Variants in NBAS observed in about 807,000 individuals in gnomAD.
NBAS encodes NBAS subunit of NRZ tethering complex, also known as NAG/BC035112 fusion.
Under a neutral mutation model 302.5 loss-of-function variants are expected in NBAS, and 219 were observed. The observed-to-expected ratio is 0.72, with a 90% CI of 0.65 to 0.81. The LOEUF (loss-of-function observed/expected upper bound fraction) is 0.81. Among genes scored for constraint, NBAS ranks in the 30% least tolerant of loss-of-function variants. The pLI is 0.00. For synonymous variants in NBAS, 1,118 were observed against 1,021.6 expected (o/e 1.09, Z -1.80); for missense variants, 2,932 against 2,841.6 (o/e 1.03, Z -0.72).
chr2:14,819,063 C>T, the NBAS span, among the ~76,000 whole-genome samples: 1 of 152,312 alleles, frequency 6.6e-6, no homozygotes, highest in Non-Finnish European at 1.5e-5. Flanking sequence ...CCTGTGCCTC[C>T]CTCTGTCATA....
chr2:15,452,815 T>C (rs1426254058), intron 21 of NBAS, among the ~76,000 whole-genome samples: 1 of 152,226 alleles, frequency 6.6e-6, no homozygotes, highest in Non-Finnish European at 1.5e-5. Context: ...AGAATGCTTC[T>C]GACTGCATCT....
At chr2:15,155,390 C>T in the NBAS span, among the ~76,000 whole-genome samples, 2 of 152,096 alleles carry the variant, frequency 1.3e-5, no homozygotes, top group South Asian at 2.1e-4. Context: ...GAAGACCCAA[C>T]AGGCAATGTG....
chr2:15,359,524 A>G (rs918388651), intron 32 of NBAS, among the ~76,000 whole-genome samples: 4 of 152,160 alleles, frequency 2.6e-5, no homozygotes, highest in Admixed American at 6.5e-5. Flanking sequence ...AGCTCATGTT[A>G]AAAGATCTAA....
intron 14 of NBAS, among the ~76,000 whole-genome samples, chr2:15,474,824 G>A (rs1680119290): frequency 6.6e-6 from 1 of 152,142 alleles, no homozygotes. Context: ...GCCTCCCAAA[G>A]TGCTGGGATT....
chr2:15,078,040 C>T, the NBAS span, among the ~76,000 whole-genome samples: 8 of 152,050 alleles, frequency 5.3e-5, no homozygotes, highest in East Asian at 1.9e-4. Flanking sequence ...GTTACACAGG[C>T]GTTTTCAAAG....
chr2:15,098,028 T>TA, the NBAS span, among the ~76,000 whole-genome samples: 1 of 70,072 alleles, frequency 1.4e-5, no homozygotes, highest in African/African-American at 5.8e-5. Context: ...GTATATAATA[T>TA]ATATATTATA....
the NBAS span, among the ~76,000 whole-genome samples, chr2:14,826,673 C>G: frequency 0.016 from 2,405 of 152,330 alleles, 72 homozygotes; most frequent in African/African-American, 0.054. Flanking sequence ...ACAAGAGAGG[C>G]TGACTGAGTC....
At position 15,275,559 on chromosome 2, in the gene NBAS, G is replaced by A. The variant is rs771157474; in HGVS notation, c.5649C>T (p.Tyr1883=). ...WLHAYDVCMK[Y]FDRLHPGDLI... ...GGTCACCTGGGTGGAGACGATCAAA[G>A]TACTTCATGCAGACATCATAGGCAT... Residue 1883 remains tyrosine (Y), a synonymous_variant, in exon 44 of 52, where the codon TAC becomes TAT. Coordinates refer to ENST00000281513, the MANE Select transcript of NBAS (RefSeq NM_015909.4). 5 of 1,614,050 alleles carry A rather than the reference G, an allele frequency of 3.1e-6. No individual in the cohort carries two copies. The East Asian group carries it at 8.9e-5, about 29-fold the overall frequency.
At chr2:14,793,068 TTCTCTCTCTCTCTC>T in the NBAS span, among the ~76,000 whole-genome samples, 1 of 147,316 alleles carries the variant, frequency 6.8e-6, no homozygotes, top group Non-Finnish European at 1.5e-5. Flanking sequence ...CTGTCTCTGT[TTCTCTCTCTCTCTC>T]TCTCTCTCTC....
chr2:15,054,508 G>A, the NBAS span, among the ~76,000 whole-genome samples: 1 of 152,190 alleles, frequency 6.6e-6, no homozygotes, highest in Admixed American at 6.5e-5. Context: ...AGGAAACTGA[G>A]ACTCTGGGCA....
At chr2:15,393,790 A>G in intron 28 of NBAS, 1 of 462,432 alleles carries the variant, frequency 2.2e-6, no homozygotes, top group East Asian at 7.0e-5. Flanking sequence ...CTACTGATTC[A>G]TGACACAACA....
the NBAS span, among the ~76,000 whole-genome samples, chr2:14,848,079 G>C: frequency 3.3e-5 from 5 of 152,200 alleles, no homozygotes; most frequent in South Asian, 1.0e-3. Context: ...GAGGAGCCAA[G>C]ATGGCCGAAT....
chr2:14,859,657 T>C, the NBAS span, among the ~76,000 whole-genome samples: 2 of 152,138 alleles, frequency 1.3e-5, no homozygotes, highest in African/African-American at 4.8e-5. Flanking sequence ...ACTAGCCTCC[T>C]GTCTCTCACA....
At chr2:14,953,064 G>A in the NBAS span, among the ~76,000 whole-genome samples, 1 of 152,358 alleles carries the variant, frequency 6.6e-6, no homozygotes, top group East Asian at 1.9e-4. Flanking sequence ...CTGGGTGGAG[G>A]AAATAGCACA....
At chr2:15,420,776 A>G (rs1271565463) in intron 23 of NBAS, among the ~76,000 whole-genome samples, 1 of 152,158 alleles carries the variant, frequency 6.6e-6, no homozygotes, top group Non-Finnish European at 1.5e-5. Context: ...AAGCCAAATC[A>G]TGTTCTGAGA....
intron 40 of NBAS, among the ~76,000 whole-genome samples, chr2:15,296,103 A>G (rs978918695): frequency 1.3e-5 from 2 of 152,220 alleles, no homozygotes; most frequent in African/African-American, 4.8e-5. Flanking sequence ...TCATAAGCCA[A>G]GAGTTTTGGG....
the NBAS span, among the ~76,000 whole-genome samples, chr2:14,846,660 A>T: frequency 6.6e-6 from 1 of 152,106 alleles, no homozygotes; most frequent in South Asian, 2.1e-4. Context: ...AATAGAAACA[A>T]AAAAGTTGAA....
chr2:15,424,942 T>C (rs934022532), intron 22 of NBAS, among the ~76,000 whole-genome samples: 1 of 152,146 alleles, frequency 6.6e-6, no homozygotes, highest in Non-Finnish European at 1.5e-5. Flanking sequence ...AAATACACCT[T>C]ATTTATGTTG....
chr2:15,238,274 T>A (rs568655758), intron 45 of NBAS, among the ~76,000 whole-genome samples, 194 bp downstream of exon 45: 1 of 152,250 alleles, frequency 6.6e-6, no homozygotes, highest in East Asian at 1.9e-4. Context: ...TGGCTTAACA[T>A]CATTTTGAAA....
Sources: allele counts gnomAD v4.1 joint callset (sites outside exome capture counted in the v4.1 genomes callset), GRCh38; gene constraint gnomAD v4.1.1; transcripts MANE v1.5; gene names NCBI Gene and HGNC (gene_info 2026-07-23, HGNC 2026-07-21).